PCDHGA11: variants seen among roughly 807,000 people sequenced by gnomAD.
The protein encoded by PCDHGA11 is protocadherin gamma-A11.
Under a neutral mutation model 60.4 loss-of-function variants are expected in PCDHGA11, and 39 were observed. That is an observed-to-expected ratio of 0.65 (90% CI 0.50 to 0.84). PCDHGA11 has a LOEUF of 0.84. Among genes scored for constraint, PCDHGA11 ranks in the 40% least tolerant of loss-of-function variants. The probability of loss-of-function intolerance (pLI) is 0.00; values close to 1 mark genes in which losing one functional copy is unlikely to be tolerated. For synonymous variants in PCDHGA11, 533 were observed against 510.3 expected (o/e 1.04, Z -0.60); for missense variants, 1,165 against 1,197.7 (o/e 0.97, Z 0.40).
At position 141,486,778 on chromosome 5, in the gene PCDHGA11, G is replaced by A. The variant is rs750169906; in HGVS notation, c.2434-8029G>A. The A allele has an allele frequency of 1.2e-6, 2 of 1,614,104 alleles. No individual in the cohort carries two copies. Among genetic ancestry groups the A allele is most frequent in the Admixed American group, 1.7e-5 (1 of 60,006 alleles). ...AAACCCAGACACTGCAGTTTGAGGT[G>A]CAGGCCCGGGATCGGGGCAACCCAC... is the stretch of plus-strand genomic sequence containing the variant. On this transcript the variant is annotated intron_variant, in intron 1 of 3. Coordinates refer to ENST00000398587, the MANE Select transcript of PCDHGA11 (RefSeq NM_018914.3). This position sits in a 1 kb window ranked among gnomAD's most constrained non-coding sequence, Gnocchi z 5.0.
In PCDHGA11 at chr5:141,485,354, G is replaced by C; in HGVS notation, c.2434-9453G>C. 7 of 1,614,176 alleles carry C rather than the reference G, an allele frequency of 4.3e-6. No homozygotes were observed. Among genetic ancestry groups the C allele is most frequent in the Non-Finnish European group, 5.1e-6 (6 of 1,180,024 alleles). Reference sequence around the variant, plus strand: ...CCTGCTGGATACGGACAGTCTGTCAGCTCGCAGGCTGCAGGTCGCTGGAGA... The same window carrying C: ...CCTGCTGGATACGGACAGTCTGTCACCTCGCAGGCTGCAGGTCGCTGGAGA... On this transcript the variant is annotated intron_variant, in intron 1 of 3. Transcript: ENST00000398587. This position sits in a 1 kb window ranked among gnomAD's most constrained non-coding sequence, Gnocchi z 5.7.
chr5:141,467,476 G>C (rs114088806), intron 1 of PCDHGA11, among the ~76,000 whole-genome samples: 1,866 of 152,156 alleles, frequency 0.012, 41 homozygotes, highest in African/African-American at 0.043. Flanking sequence ...CATGGTTTTT[G>C]GTTTCCACAT....
At chr5:141,502,363 T>C (rs1216939790) in intron 2 of PCDHGA11, among the ~76,000 whole-genome samples, 2 of 152,100 alleles carry the variant, frequency 1.3e-5, no homozygotes, top group African/African-American at 4.8e-5. Context: ...ATGGATATTT[T>C]TAAAGAGTCC....
At chr5:141,475,543 G>A (rs1161883598) in intron 1 of PCDHGA11, among the ~76,000 whole-genome samples, 1 of 152,196 alleles carries the variant, frequency 6.6e-6, no homozygotes, top group African/African-American at 2.4e-5. Flanking sequence ...TACAAGTAGG[G>A]TCCGGCTAAT....
chr5:141,421,387 G>A lies in PCDHGA11; in HGVS notation c.160G>A (p.Gly54Arg). 1.9e-6 allele frequency: 3 copies of A among 1,614,054 alleles called. No individual in the cohort carries two copies. Among genetic ancestry groups the A allele is most frequent in the Non-Finnish European group, 2.5e-6 (3 of 1,179,918 alleles). ...CGTGGGCAATATCTCCAAGGACCTG[G>A]GGCTGGAGCCCCGGGAGCTGGCGAA... Reference protein sequence around the residue: ...SFVGNISKDLGLEPRELAKRG... With the variant: ...SFVGNISKDLRLEPRELAKRG... The change falls in exon 1 of 4, where the codon GGG (glycine) becomes AGG (arginine). Residue 54 changes from glycine to arginine, a missense_variant. Coordinates refer to ENST00000398587, the MANE Select transcript of PCDHGA11 (RefSeq NM_018914.3).
chr5:141,477,890 C>T lies in PCDHGA11; in HGVS notation c.2434-16917C>T, dbSNP rs202114426. ...TACCTCAGCTGGCCACCTAGTGTCA[C>T]GGGTGGTAGGCTGGGACGCGGATGC... is the stretch of plus-strand genomic sequence containing the variant. On this transcript the variant is annotated intron_variant, in intron 1 of 3. Coordinates refer to ENST00000398587, the MANE Select transcript of PCDHGA11 (RefSeq NM_018914.3). This position sits in a 1 kb window ranked among gnomAD's most constrained non-coding sequence, Gnocchi z 4.9. 9.9e-6 allele frequency: 16 copies of T among 1,614,086 alleles called. No individual in the cohort carries two copies. Among genetic ancestry groups the T allele is most frequent in the Admixed American group, 1.7e-5 (1 of 60,006 alleles).
At chr5:141,492,265 G>C (rs1363279754) in intron 1 of PCDHGA11, among the ~76,000 whole-genome samples, 1 of 152,180 alleles carries the variant, frequency 6.6e-6, no homozygotes, top group Non-Finnish European at 1.5e-5. Flanking sequence ...CAAGTTGCAC[G>C]GGCTCGCCAC....
chr5:141,428,387 G>A, intron 1 of PCDHGA11: 1 of 505,948 alleles, frequency 2.0e-6, no homozygotes, highest in South Asian at 2.0e-5. Context: ...TGCTCTTCCA[G>A]CCCCTCTGCC....
chr5:141,478,799 CTT>C, intron 1 of PCDHGA11: 1 of 1,463,738 alleles, frequency 6.8e-7, no homozygotes, highest in Non-Finnish European at 9.0e-7. Flanking sequence ...CCTCAGCACT[CTT>C]TTGCTATCAC....
intron 1 of PCDHGA11, among the ~76,000 whole-genome samples, chr5:141,445,458 A>G (rs1427391084): frequency 6.6e-6 from 1 of 152,248 alleles, no homozygotes; most frequent in Non-Finnish European, 1.5e-5. Flanking sequence ...TGCAGCAATG[A>G]ACAAGGCATA....
rs139608956 is a variant in PCDHGA11, at chr5:141,510,637, A to G, written c.2582-310A>G. Among the ~76,000 whole-genome samples, 4 of 152,242 alleles carry G rather than the reference A, an allele frequency of 2.6e-5. No individual in the cohort carries two copies. The East Asian group carries it at 7.7e-4, about 29-fold the overall frequency. ...ACTAAAACCAGAAGAGGTGGTTACC[A>G]TTATCATCCCCATTTTGCAGATGAG... On this transcript the variant is annotated intron_variant, in intron 3 of 3. Transcript: ENST00000398587.
chr5:141,511,062 C>T lies in PCDHGA11; in HGVS notation c.2697C>T (p.Tyr899=), dbSNP rs775583963. The change falls in exon 4 of 4, where the codon TAC becomes TAT. Residue 899 remains tyrosine, a synonymous_variant. Transcript: ENST00000398587. ...TGCCCGACTACCGCCAGAATGTCTACATCCCAGGCAGCAATGCCACACTGA... is the reference window on the plus strand; with the variant it reads ...TGCCCGACTACCGCCAGAATGTCTATATCCCAGGCAGCAATGCCACACTGA... ...QHVPDYRQNV[Y]IPGSNATLTN... The T allele has an allele frequency of 6.2e-7, 1 of 1,614,246 alleles. No homozygotes were observed. The highest frequency in any genetic ancestry group is 1.3e-5 in the African/African-American group (1 of 75,064).
At position 141,432,412 on chromosome 5, in the gene PCDHGA11, C is replaced by G. The variant is rs773688197; in HGVS notation, c.2433+8752C>G. 1.9e-6 allele frequency: 3 copies of G among 1,614,246 alleles called. No individual in the cohort carries two copies. The highest frequency in any genetic ancestry group is 2.2e-5 in the East Asian group (1 of 44,882). ...GCAGCAACGTGTCGTTGAGCCTGTT[C>G]GTGCTGGACCAGAACGACAATGCGC... On this transcript the variant is annotated intron_variant, in intron 1 of 3. Transcript: ENST00000398587. This position sits in a 1 kb window ranked among gnomAD's most constrained non-coding sequence, Gnocchi z 6.0.
rs764729742 is a variant in PCDHGA11 at position 141,450,826 on chromosome 5, A to ATTT, written c.2433+27168_2433+27169insTTT. On this transcript the variant is annotated intron_variant, in intron 1 of 3. Coordinates refer to ENST00000398587, the MANE Select transcript of PCDHGA11 (RefSeq NM_018914.3). ...TATTTATTTATTTAATATTATTATT[A>ATTT]TTATTTTTTTTTTTTTGAGATGGGG... 5.5e-3 allele frequency among the ~76,000 whole-genome samples: 742 copies of ATTT among 134,318 alleles called. 10 individuals are homozygous for ATTT. The highest frequency in any genetic ancestry group is 0.013 in the Middle Eastern group (3 of 230). 88.1% of individuals were successfully genotyped at this position (134,318 alleles called of 152,430 possible).
chr5:141,493,141 C>T lies in PCDHGA11; in HGVS notation c.2434-1666C>T, dbSNP rs1327581425. On this transcript the variant is annotated intron_variant, in intron 1 of 3. Coordinates refer to ENST00000398587, the MANE Select transcript of PCDHGA11 (RefSeq NM_018914.3). This position sits in a 1 kb window ranked among gnomAD's most constrained non-coding sequence, Gnocchi z 4.3. ...CTCCTAGGACTGTATTTTGAAACAC[C>T]CCCAGGTGATTTTGATAGCTGATTG... Among the ~76,000 whole-genome samples the T allele has an allele frequency of 1.4e-5, 2 of 146,284 alleles. No homozygotes were observed. Among genetic ancestry groups the T allele is most frequent in the East Asian group, 2.0e-4 (1 of 5,022 alleles).
At chr5:141,482,956 CCAGCTACTTGAG>C (rs6149271) in intron 1 of PCDHGA11, among the ~76,000 whole-genome samples, 62,216 of 151,640 alleles carry the variant, frequency 0.41, 15,336 homozygotes, top group African/African-American at 0.7. Context: ...GCCTGTAATT[CCAGCTACTTGAG>C]CAGCTACTTG....
intron 1 of PCDHGA11, among the ~76,000 whole-genome samples, chr5:141,449,561 C>T (rs777459619): frequency 2.7e-4 from 39 of 147,008 alleles, no homozygotes; most frequent in Non-Finnish European, 4.6e-4. Flanking sequence ...TGCACTCCAG[C>T]CTGGGCGACA....
At chr5:141,458,130 C>A (rs1441742986) in intron 1 of PCDHGA11, among the ~76,000 whole-genome samples, 2 of 152,248 alleles carry the variant, frequency 1.3e-5, no homozygotes, top group African/African-American at 4.8e-5. Flanking sequence ...AGGAACCAGG[C>A]AGAGAAAAAT....
At chr5:141,510,272 T>TAA (rs546154379) in intron 3 of PCDHGA11, among the ~76,000 whole-genome samples, 3,403 of 130,344 alleles carry the variant, frequency 0.026, 48 homozygotes, top group East Asian at 0.043. Context: ...GACTCCATCT[T>TAA]AAAAAAAAAA....
Sources: gnomAD v4.1 joint callset for allele counts (sites outside exome capture counted in the v4.1 genomes callset) on GRCh38, gnomAD v4.1.1 for gene constraint, Gnocchi (gnomAD v3.1) non-coding constraint, MANE v1.5 for transcripts, NCBI Gene and HGNC (gene_info 2026-07-23, HGNC 2026-07-21) for gene names.